The following DDX60 variants were observed in gnomAD, a reference collection of about 807,000 sequenced individuals.
DDX60 encodes the protein DExD/H-box helicase 60, also known as probable ATP-dependent RNA helicase DDX60.
In DDX60, 165 loss-of-function variants were observed where a neutral mutation model predicts 212.8. That is an observed-to-expected ratio of 0.78 (90% CI 0.68 to 0.88). The LOEUF (loss-of-function observed/expected upper bound fraction) is 0.88. Ranked by LOEUF, DDX60 falls within the 40% of genes least tolerant of loss-of-function variation. The pLI, the probability that DDX60 is intolerant of heterozygous loss-of-function variation, is 0.00. For synonymous variants in DDX60, 703 were observed against 685.3 expected (o/e 1.03, Z -0.40); for missense variants, 1,905 against 2,003.9 (o/e 0.95, Z 0.94).
intron 12 of DDX60, 80 bp downstream of exon 12, chr4:168,284,740 T>G (rs1360505967): frequency 3.0e-6 from 2 of 665,876 alleles, no homozygotes; most frequent in Non-Finnish European, 4.8e-6. Flanking sequence ...ATTTGTGTCT[T>G]ATGATAATTT....
At chr4:168,219,124 T>C (rs1363079498) in intron 37 of DDX60, among the ~76,000 whole-genome samples, 1 of 137,740 alleles carries the variant, frequency 7.3e-6, no homozygotes, top group Non-Finnish European at 1.6e-5. Flanking sequence ...TGTACTAAAA[T>C]ACCAAAAAAA....
intron 5 of DDX60, among the ~76,000 whole-genome samples, chr4:168,303,993 C>G (rs375381472): frequency 1.3e-5 from 2 of 151,908 alleles, no homozygotes; most frequent in African/African-American, 4.8e-5. Flanking sequence ...AAAAAAACAA[C>G]AATAAAAAAA....
At chr4:168,308,261 T>C in intron 3 of DDX60, 66 bp from the exon 4 acceptor site, 3 of 949,942 alleles carry the variant, frequency 3.2e-6, no homozygotes, top group Non-Finnish European at 4.7e-6. Context: ...AAAGGCATCG[T>C]TCTTATTAGC....
At chr4:168,248,344 C>G (rs1194058978) in intron 28 of DDX60, 52 bp from the exon 29 acceptor site, 2 of 1,345,054 alleles carry the variant, frequency 1.5e-6, no homozygotes, top group Admixed American at 4.5e-5. Flanking sequence ...TAATAGAATG[C>G]AAGTATTTCC....
chr4:168,268,773 C>A, intron 20 of DDX60, 81 bp downstream of exon 20: 1 of 785,990 alleles, frequency 1.3e-6, no homozygotes, highest in Non-Finnish European at 2.0e-6. Flanking sequence ...TATGAAACTC[C>A]TCAGAATCCA....
At chr4:168,261,136 C>A in intron 24 of DDX60, 147 bp from the exon 25 acceptor site, 1 of 892,946 alleles carries the variant, frequency 1.1e-6, no homozygotes, top group Non-Finnish European at 1.6e-6. Context: ...TAAAACGAGG[C>A]AAAGAACCAT....
Position 168,265,740 on chromosome 4 carries a change from C to T in DDX60, c.3039+1842G>A, listed in dbSNP as rs540610087. 3.3e-5 allele frequency: 5 copies of T among 150,556 alleles called. No homozygotes were observed. The East Asian group carries it at 9.8e-4, about 30-fold the overall frequency. 9.3% of individuals were successfully genotyped at this position (150,556 alleles called of 1,614,324 possible). A position where few individuals can be genotyped will look rare whatever the true frequency, so the allele number is the denominator to read the frequency against. On this transcript the variant is annotated intron_variant, in intron 22 of 37. Coordinates refer to ENST00000393743, the MANE Select transcript of DDX60 (RefSeq NM_017631.6). ...TCCTACACAGAATAATTTTTAAAAACTATACTGTTTTTAAAATGCCACATA... is the reference window on the plus strand; with the variant it reads ...TCCTACACAGAATAATTTTTAAAAATTATACTGTTTTTAAAATGCCACATA...
intron 6 of DDX60, among the ~76,000 whole-genome samples, chr4:168,294,576 T>C (rs823285): frequency 0.43 from 65,033 of 151,790 alleles, 14,749 homozygotes; most frequent in African/African-American, 0.6. Context: ...TCTCAGCTCA[T>C]TGCAATCTCT....
chr4:168,296,243 G>A (rs564035866), intron 6 of DDX60, among the ~76,000 whole-genome samples: 2 of 151,988 alleles, frequency 1.3e-5, no homozygotes, highest in South Asian at 2.1e-4. Flanking sequence ...AAAACAAAAC[G>A]TTGTACTTCA....
intron 28 of DDX60, among the ~76,000 whole-genome samples, chr4:168,249,955 T>C (rs1734156480): frequency 6.6e-6 from 1 of 152,336 alleles, no homozygotes; most frequent in Non-Finnish European, 1.5e-5. Context: ...ATGTAATATA[T>C]GTCATACAAA....
intron 34 of DDX60, among the ~76,000 whole-genome samples, chr4:168,225,212 G>A (rs940121275): frequency 5.3e-5 from 8 of 151,930 alleles, no homozygotes; most frequent in African/African-American, 9.7e-5. Context: ...AAAACTAAGC[G>A]TATTTCCTCT....
chr4:168,298,456 C>T (rs1161599844), intron 6 of DDX60, among the ~76,000 whole-genome samples: 1 of 152,034 alleles, frequency 6.6e-6, no homozygotes, highest in East Asian at 1.9e-4. Flanking sequence ...TTATATTGGG[C>T]TAAGTAGAAT....
At chr4:168,280,661 C>T in intron 13 of DDX60, 71 bp from the exon 14 acceptor site, 2 of 1,483,290 alleles carry the variant, frequency 1.3e-6, no homozygotes, top group East Asian at 4.5e-5. Context: ...ATGAGTGAGA[C>T]AATATTATGG....
intron 36 of DDX60, among the ~76,000 whole-genome samples, chr4:168,221,052 C>T (rs933233359): frequency 7.9e-5 from 12 of 152,132 alleles, no homozygotes; most frequent in African/African-American, 2.9e-4. Flanking sequence ...TTACTAATGT[C>T]ACAGCTGCTT....
chr4:168,292,596 A>G lies in DDX60; in HGVS notation c.883-690T>C, dbSNP rs755555978. 8.7e-4 allele frequency among the ~76,000 whole-genome samples: 132 copies of G among 152,320 alleles called. 1 individual carries two copies. Among genetic ancestry groups the G allele is most frequent in the Middle Eastern group, 6.8e-3 (2 of 294 alleles). On this transcript the variant is annotated intron_variant, in intron 7 of 37. Transcript: ENST00000393743. ...ACACATTAAATGCTCTATCCCATCC[A>G]AGGCATCATATTTTTAAATAATATT...
intron 37 of DDX60, 73 bp from the exon 38 acceptor site, chr4:168,217,105 A>C: frequency 1.1e-6 from 1 of 934,204 alleles, no homozygotes; most frequent in Non-Finnish European, 1.6e-6. Flanking sequence ...TTCCTTGGTT[A>C]GGCAGAAGTA....
At position 168,246,598 on chromosome 4, in the gene DDX60, T is replaced by TC. The variant is rs1404517976; in HGVS notation, c.3983dup (p.Arg1329LysfsTer13). The stretch of plus-strand genomic sequence containing the variant: ...CATCTCCCATCAGGTCTTGACCTCT[T>TC]CTTCCAGCACGGCCAGACATCTGAA... On this transcript the variant is annotated frameshift_variant, in exon 30 of 38. Coordinates refer to ENST00000393743, the MANE Select transcript of DDX60 (RefSeq NM_017631.6). LOFTEE classifies it high-confidence loss of function. 6.2e-7 allele frequency: 1 copy of TC among 1,613,968 alleles called. No individual in the cohort carries two copies.
rs187676428 is a variant in DDX60, at chr4:168,283,331, T to C, written c.1722+115A>G. On this transcript the variant is annotated intron_variant, in intron 13 of 37. Coordinates refer to ENST00000393743, the MANE Select transcript of DDX60 (RefSeq NM_017631.6). Reference sequence around the variant, plus strand: ...GTAATCATATACAAAAATATATGCATATAAATATCAAGAAAAGGCATTATA... The same window carrying C: ...GTAATCATATACAAAAATATATGCACATAAATATCAAGAAAAGGCATTATA... 3.0e-4 allele frequency: 255 copies of C among 862,784 alleles called. 1 individual carries two copies. In the African/African-American group the frequency reaches 3.8e-3, roughly 13 times the overall value. 53.4% of individuals were successfully genotyped at this position (862,784 alleles called of 1,614,324 possible).
intron 30 of DDX60, 45 bp from the exon 31 acceptor site, chr4:168,237,840 C>G (rs369230742): frequency 7.3e-7 from 1 of 1,376,014 alleles, no homozygotes; most frequent in Non-Finnish European, 1.0e-6. Flanking sequence ...TTAAGTGTTA[C>G]GAAATACGTT....
Sources: allele counts gnomAD v4.1 joint callset (sites outside exome capture counted in the v4.1 genomes callset), GRCh38; gene constraint gnomAD v4.1.1; transcripts MANE v1.5; gene names NCBI Gene and HGNC (gene_info 2026-07-23, HGNC 2026-07-21).